Variants in DLG2 observed in about 807,000 individuals in gnomAD.
The protein encoded by DLG2 is disks large homolog 2.
In DLG2, 45 loss-of-function variants were observed where a neutral mutation model predicts 132.5. That is an observed-to-expected ratio of 0.34 (90% confidence interval 0.27 to 0.44). DLG2 has a LOEUF of 0.44. DLG2 is among the 20% of genes least tolerant of loss of function. DLG2 has a pLI of 1.00. For synonymous variants in DLG2, 424 were observed against 419.6 expected (o/e 1.01, Z -0.13); for missense variants, 1,045 against 1,196.9 (o/e 0.87, Z 1.87).
rs192078437 is a variant in DLG2, at chr11:84,735,284, G to A, written c.358-200553C>T. Among the ~76,000 whole-genome samples, 481 of 152,136 alleles carry A rather than the reference G, an allele frequency of 3.2e-3. 1 individual carries two copies. The highest frequency in any genetic ancestry group is 9.6e-3 in the African/African-American group (400 of 41,508). On this transcript the variant is annotated intron_variant, in intron 6 of 27. Transcript: ENST00000376104. ...GTCTGGTCCTGGACTTTTTTGGTTG[G>A]TAGGCTATTAATTATTGCCTCAATT...
At position 83,485,443 on chromosome 11, in the gene DLG2, C is replaced by T. The variant is rs1283771352; in HGVS notation, c.2194-1215G>A. ...AAAATATGTTTCATCAGATTGACTA[C>T]TACCCTTGTTTGGCTGATTTGGCTC... On this transcript the variant is annotated intron_variant, in intron 21 of 27. Transcript: ENST00000376104. Among the ~76,000 whole-genome samples the T allele has an allele frequency of 2.0e-5, 3 of 152,126 alleles. 1 individual carries two copies. Among genetic ancestry groups the T allele is most frequent in the Admixed American group, 1.3e-4 (2 of 15,260 alleles).
chr11:84,827,669 A>T (rs1476116846), intron 6 of DLG2, among the ~76,000 whole-genome samples: 2 of 111,128 alleles, frequency 1.8e-5, no homozygotes, highest in African/African-American at 6.6e-5. Flanking sequence ...AACTGAGTAC[A>T]TACAGTCAAA....
chr11:85,132,175 C>T (rs1269265659), intron 5 of DLG2, among the ~76,000 whole-genome samples: 1 of 151,930 alleles, frequency 6.6e-6, no homozygotes, highest in African/African-American at 2.4e-5. Flanking sequence ...TTTATACTTC[C>T]AATAATGCAA....
chr11:84,122,656 A>T (rs1566599566), intron 9 of DLG2, among the ~76,000 whole-genome samples: 3 of 152,250 alleles, frequency 2.0e-5, no homozygotes, highest in Non-Finnish European at 4.4e-5. Flanking sequence ...AGGCTTAAAA[A>T]GTGTTTATAA....
intron 7 of DLG2, among the ~76,000 whole-genome samples, chr11:84,417,334 A>T (rs1174993983): frequency 1.3e-5 from 2 of 152,202 alleles, no homozygotes; most frequent in Non-Finnish European, 2.9e-5. Flanking sequence ...AATTAATGTG[A>T]GGTTGAAATG....
At chr11:85,397,421 CATA>C (rs532835168) in intron 3 of DLG2, among the ~76,000 whole-genome samples, 39 of 152,272 alleles carry the variant, frequency 2.6e-4, no homozygotes, top group African/African-American at 8.7e-4. Context: ...CAAGTTCAAA[CATA>C]ATAATATTAA....
At chr11:83,644,109 A>G (rs2067401505) in intron 18 of DLG2, among the ~76,000 whole-genome samples, 1 of 152,184 alleles carries the variant, frequency 6.6e-6, no homozygotes, top group African/African-American at 2.4e-5. Flanking sequence ...TCATTTTGAG[A>G]TACGACAGGT....
chr11:84,751,994 C>A (rs1333189287), intron 6 of DLG2, among the ~76,000 whole-genome samples: 1 of 152,156 alleles, frequency 6.6e-6, no homozygotes, highest in African/African-American at 2.4e-5. Flanking sequence ...AGCAAGGTAA[C>A]AGGGAATATC....
chr11:84,883,382 C>A (rs186749242), intron 6 of DLG2, among the ~76,000 whole-genome samples: 1 of 151,822 alleles, frequency 6.6e-6, no homozygotes, highest in Non-Finnish European at 1.5e-5. Context: ...ACCTAGATGA[C>A]GGGTTGATAG....
chr11:84,736,251 T>C (rs2063814896), intron 6 of DLG2, among the ~76,000 whole-genome samples: 1 of 151,966 alleles, frequency 6.6e-6, no homozygotes, highest in Non-Finnish European at 1.5e-5. Context: ...TTTCCACCAA[T>C]ACTATATTTT....
chr11:84,395,983 T>C (rs1601385327), intron 7 of DLG2, among the ~76,000 whole-genome samples: 1 of 152,204 alleles, frequency 6.6e-6, no homozygotes, highest in African/African-American at 2.4e-5. Flanking sequence ...TTTTCCCCTA[T>C]TATGTTTATA....
chr11:83,964,333 AACAT>A (rs1438149543), intron 13 of DLG2, among the ~76,000 whole-genome samples: 2 of 152,052 alleles, frequency 1.3e-5, no homozygotes, highest in Admixed American at 1.3e-4. Context: ...CCAGCTTGAA[AACAT>A]ACATATTTTG....
At chr11:84,114,092 T>C (rs1450045356) in intron 9 of DLG2, among the ~76,000 whole-genome samples, 1 of 152,022 alleles carries the variant, frequency 6.6e-6, no homozygotes, top group East Asian at 1.9e-4. Flanking sequence ...TAAAACTAGT[T>C]TTAATTTTTT....
intron 3 of DLG2, among the ~76,000 whole-genome samples, chr11:85,558,264 C>T (rs1001068572): frequency 3.3e-5 from 5 of 151,870 alleles, no homozygotes; most frequent in Admixed American, 1.3e-4. Context: ...TGCCATCTCA[C>T]ACTAGTCAGA....
At chr11:84,910,904 C>T (rs1219560390) in intron 6 of DLG2, among the ~76,000 whole-genome samples, 1 of 152,016 alleles carries the variant, frequency 6.6e-6, no homozygotes. Context: ...AAGTGTTACA[C>T]TAGAAGTACA....
intron 19 of DLG2, among the ~76,000 whole-genome samples, chr11:83,583,442 T>C (rs1565908826): frequency 6.6e-6 from 1 of 152,210 alleles, no homozygotes. Context: ...ACACCAACTA[T>C]GAATCTGAGA....
chr11:84,385,858 T>A (rs1315615110), intron 7 of DLG2, among the ~76,000 whole-genome samples: 1 of 152,068 alleles, frequency 6.6e-6, no homozygotes, highest in African/African-American at 2.4e-5. Flanking sequence ...TGTTTCCTAT[T>A]TAGAAGGGAA....
At chr11:85,402,854 G>T (rs752682858) in intron 3 of DLG2, among the ~76,000 whole-genome samples, 33 of 152,178 alleles carry the variant, frequency 2.2e-4, no homozygotes, top group Non-Finnish European at 3.7e-4. Context: ...AGATGCTGGA[G>T]AGGATGTGGA....
At chr11:83,791,369 A>C in intron 17 of DLG2, 1 of 678,074 alleles carries the variant, frequency 1.5e-6, no homozygotes, top group Non-Finnish European at 2.6e-6. Flanking sequence ...TTGCTTTTTG[A>C]TCTGTCTTTT....
Sources: gnomAD v4.1 joint callset for allele counts (sites outside exome capture counted in the v4.1 genomes callset) on GRCh38, gnomAD v4.1.1 for gene constraint, MANE v1.5 for transcripts, NCBI Gene and HGNC (gene_info 2026-07-23, HGNC 2026-07-21) for gene names.